RGS7: variants seen among roughly 807,000 people sequenced by gnomAD.
RGS7 encodes the protein regulator of G protein signaling 7.
In RGS7, 27 loss-of-function variants were observed where a neutral mutation model predicts 81.1. The ratio of observed to expected loss-of-function variants is 0.33; its 90% CI spans 0.25 to 0.46. The LOEUF (loss-of-function observed/expected upper bound fraction) is 0.46, where lower values mean the gene tolerates loss of function less well. RGS7 is among the 20% of genes least tolerant of loss of function. The probability of loss-of-function intolerance (pLI) is 1.00; values close to 1 mark genes in which losing one functional copy is unlikely to be tolerated. For synonymous variants in RGS7, 208 were observed against 207.7 expected, an observed-to-expected ratio of 1.00 and a Z score of -0.01; for missense variants, 396 against 607.4, an observed-to-expected ratio of 0.65 and a Z score of 3.66.
intron 2 of RGS7, among the ~76,000 whole-genome samples, chr1:241,333,317 G>A (rs2082071446): frequency 1.3e-5 from 2 of 152,218 alleles, no homozygotes; most frequent in African/African-American, 4.8e-5. Context: ...GTGGAAATCT[G>A]CCATGGGGAA....
At chr1:241,156,165 G>GATACATACATAC (rs1426152215) in intron 2 of RGS7, among the ~76,000 whole-genome samples, 10 of 143,780 alleles carry the variant, frequency 7.0e-5, no homozygotes, top group African/African-American at 2.7e-4. Context: ...TAGATAGATA[G>GATACATACATAC]ATAGATACAT....
chr1:240,791,527 T>C (rs1049450539), intron 18 of RGS7, among the ~76,000 whole-genome samples: 8 of 152,296 alleles, frequency 5.3e-5, no homozygotes, highest in Non-Finnish European at 1.0e-4. Context: ...CTAGCAAAAA[T>C]TATGGAAAAG....
At chr1:240,921,385 C>G (rs1174034830) in intron 6 of RGS7, among the ~76,000 whole-genome samples, 1 of 151,652 alleles carries the variant, frequency 6.6e-6, no homozygotes, top group Non-Finnish European at 1.5e-5. Context: ...CAAGAATGTC[C>G]CCTCTCGCTA....
intron 3 of RGS7, among the ~76,000 whole-genome samples, chr1:241,059,848 A>AAG (rs1340018007): frequency 6.6e-6 from 1 of 152,178 alleles, no homozygotes. Flanking sequence ...TTTGCACAAA[A>AAG]TTGATCCTCC....
chr1:241,167,999 A>G (rs191986051), intron 2 of RGS7, among the ~76,000 whole-genome samples: 1 of 152,336 alleles, frequency 6.6e-6, no homozygotes, highest in East Asian at 1.9e-4. Context: ...TGTGAAAAAA[A>G]TGAAAACTGT....
At position 240,944,282 on chromosome 1, in the gene RGS7, GTATATATATATATATATATATATATA is replaced by G. The variant is rs760788169; in HGVS notation, c.227-7602_227-7577del. Among the ~76,000 whole-genome samples the G allele has an allele frequency of 7.0e-4, 39 of 55,824 alleles. 2 individuals are homozygous for G. The highest frequency in any genetic ancestry group is 0.011 in the Middle Eastern group (1 of 90). 36.6% of individuals were successfully genotyped at this position (55,824 alleles called of 152,430 possible). On this transcript the variant is annotated intron_variant, in intron 4 of 18. Transcript: ENST00000440928. ...TATATGTGTGTGTGTGTGTGTGTGT[GTATATATATATATATATATATATATA>G]TATATATATATATATATATATATAT...
At chr1:241,233,600 T>C (rs1368117006) in intron 2 of RGS7, among the ~76,000 whole-genome samples, 1 of 152,170 alleles carries the variant, frequency 6.6e-6, no homozygotes, top group African/African-American at 2.4e-5. Flanking sequence ...AATATTCCAT[T>C]GTGTACATCT....
chr1:240,870,260 A>G (rs1664246026), intron 6 of RGS7, 141 bp from the exon 7 acceptor site: 3 of 724,184 alleles, frequency 4.1e-6, no homozygotes, highest in South Asian at 3.0e-5. Flanking sequence ...AAAAATAATT[A>G]TGTAATAACA....
intron 2 of RGS7, among the ~76,000 whole-genome samples, chr1:241,345,272 A>G (rs1408329453): frequency 2.6e-5 from 4 of 152,224 alleles, no homozygotes; most frequent in African/African-American, 4.8e-5. Context: ...ATCAGGAAAA[A>G]TAACTATTGG....
rs202033477 is a variant in RGS7 at position 240,936,626 on chromosome 1, C to T, written c.307G>A (p.Asp103Asn). 2 of 1,613,926 alleles carry T rather than the reference C, an allele frequency of 1.2e-6. No homozygotes were observed. Among genetic ancestry groups the T allele is most frequent in the Non-Finnish European group, 1.7e-6 (2 of 1,179,860 alleles). ...TGAAACCGGTAAAAGGTGCCATCAT[C>T]CTTGAGTGTGAGGACATGATCTGAG... ...PISDHVLTLKDDGTFYRFQTP... is the reference protein window; with the variant it reads ...PISDHVLTLKNDGTFYRFQTP... Residue 103 changes from aspartate to asparagine, a missense_variant, in exon 5 of 19, where the codon GAT becomes AAT. By Grantham distance (23) the Asp-to-Asn change is conservative. Coordinates refer to ENST00000440928, the MANE Select transcript of RGS7 (RefSeq NM_001364886.1).
In RGS7 at chr1:240,814,797, A is replaced by G. The variant is rs1288340670; in HGVS notation, c.784-20T>C. The G allele has an allele frequency of 1.4e-6, 2 of 1,460,444 alleles. No homozygotes were observed. The highest frequency in any genetic ancestry group is 1.4e-5 in the African/African-American group (1 of 71,942). The allele number at this position is 1,460,444 out of a possible 1,614,324, so 90.5% of individuals were successfully genotyped here. A position where few individuals can be genotyped will look rare whatever the true frequency, so the allele number is the denominator to read the frequency against. ...TTTTATCTGAAAAGAGGGTTAGAGA[A>G]GGAGTTACATAAGTAATGACATTTT... On this transcript the variant is annotated intron_variant, in intron 11 of 18. Transcript: ENST00000440928.
At chr1:241,307,946 G>T in intron 2 of RGS7, among the ~76,000 whole-genome samples, 1 of 152,154 alleles carries the variant, frequency 6.6e-6, no homozygotes, top group Non-Finnish European at 1.5e-5. Flanking sequence ...GAGGATTTCG[G>T]TCATGTGTTG....
At chr1:241,302,427 T>C (rs1309052408) in intron 2 of RGS7, among the ~76,000 whole-genome samples, 8 of 152,050 alleles carry the variant, frequency 5.3e-5, no homozygotes, top group Non-Finnish European at 1.2e-4. Flanking sequence ...CAGGCGCCTG[T>C]AGTCCCAGCT....
chr1:241,231,764 T>C (rs1273543240), intron 2 of RGS7, among the ~76,000 whole-genome samples: 2 of 152,258 alleles, frequency 1.3e-5, no homozygotes, highest in Non-Finnish European at 2.9e-5. Flanking sequence ...AAATATTTCC[T>C]CTCAAGATAT....
rs1040766912 is a variant in RGS7 at position 241,144,637 on chromosome 1, G to T, written c.79-45875C>A. 6.6e-6 allele frequency among the ~76,000 whole-genome samples: 1 copy of T among 152,146 alleles called. No homozygotes were observed. The highest frequency in any genetic ancestry group is 2.1e-4 in the South Asian group (1 of 4,832). Reference sequence around the variant, plus strand: ...CTGTCCTGGGCCTGCTTCGATAAGTGCTGTTTATGTGGCTGTATTTTCAAG... The same window carrying T: ...CTGTCCTGGGCCTGCTTCGATAAGTTCTGTTTATGTGGCTGTATTTTCAAG... On this transcript the variant is annotated intron_variant, in intron 2 of 18. Coordinates refer to ENST00000440928, the MANE Select transcript of RGS7 (RefSeq NM_001364886.1). The surrounding 1 kb of genome is among the most constrained non-coding windows in gnomAD (Gnocchi z 4.7).
intron 6 of RGS7, among the ~76,000 whole-genome samples, chr1:240,918,764 A>G (rs1415824270): frequency 6.6e-6 from 1 of 152,044 alleles, no homozygotes; most frequent in Non-Finnish European, 1.5e-5. Context: ...AAAATTGAAA[A>G]TCAATAGAGA....
At chr1:240,838,916 A>C (rs1227070278) in intron 9 of RGS7, among the ~76,000 whole-genome samples, 2 of 152,030 alleles carry the variant, frequency 1.3e-5, no homozygotes, top group Non-Finnish European at 1.5e-5. Flanking sequence ...TTACAGGATT[A>C]GGATTACAGG....
chr1:240,944,043 AC>A (rs1265941036), intron 4 of RGS7, among the ~76,000 whole-genome samples: 3 of 151,992 alleles, frequency 2.0e-5, no homozygotes, highest in Admixed American at 2.0e-4. Context: ...CACAGAGTAG[AC>A]CAGTCTAGAT....
chr1:240,877,053 C>T (rs1250570647), intron 6 of RGS7, among the ~76,000 whole-genome samples: 3 of 151,722 alleles, frequency 2.0e-5, no homozygotes, highest in Non-Finnish European at 4.4e-5. Context: ...AGCTAGAGGG[C>T]TAAGAATACA....
Sources: gnomAD v4.1 joint callset for allele counts (sites outside exome capture counted in the v4.1 genomes callset) on GRCh38, gnomAD v4.1.1 for gene constraint, Gnocchi (gnomAD v3.1) non-coding constraint, MANE v1.5 for transcripts, NCBI Gene and HGNC (gene_info 2026-07-23, HGNC 2026-07-21) for gene names.